Variants in FBXL7 observed in about 807,000 individuals in gnomAD.
FBXL7 encodes the protein F-box/LRR-repeat protein 7.
A neutral mutation model predicts 38.3 loss-of-function variants in FBXL7; 12 were observed. The ratio of observed to expected loss-of-function variants is 0.31; its 90% confidence interval spans 0.20 to 0.51. FBXL7 has a LOEUF of 0.51. FBXL7 is among the 20% of genes least tolerant of loss of function. FBXL7 has a pLI of 0.98. For missense variants in FBXL7, 567 were observed against 676.4 expected (o/e 0.84, Z 1.79); for synonymous variants, 297 against 300.9 (o/e 0.99, Z 0.13).
chr5:15,683,184 ACTTGT>A (rs1742905715), intron 2 of FBXL7, among the ~76,000 whole-genome samples: 1 of 152,114 alleles, frequency 6.6e-6, no homozygotes, highest in African/African-American at 2.4e-5. Context: ...GAGACCTAAA[ACTTGT>A]CTTGTGTGTT....
At chr5:15,581,812 T>C (rs2126468322) in intron 1 of FBXL7, among the ~76,000 whole-genome samples, 1 of 152,146 alleles carries the variant, frequency 6.6e-6, no homozygotes, top group East Asian at 1.9e-4. Flanking sequence ...GTGGGGAATA[T>C]GGATGAGAGG....
At chr5:15,501,323 C>A in intron 1 of FBXL7, 1 of 638,478 alleles carries the variant, frequency 1.6e-6, no homozygotes, top group Non-Finnish European at 1.9e-6. Context: ...AGAAATATTG[C>A]CTGTCAAGTG....
chr5:15,765,151 TC>T (rs1736552354), intron 2 of FBXL7, among the ~76,000 whole-genome samples: 4 of 152,114 alleles, frequency 2.6e-5, no homozygotes, highest in Admixed American at 2.6e-4. Context: ...TAAAAACCCT[TC>T]TTGGTGCACA....
intron 2 of FBXL7, among the ~76,000 whole-genome samples, chr5:15,882,814 A>G (rs1384702068): frequency 6.6e-6 from 1 of 152,222 alleles, no homozygotes; most frequent in African/African-American, 2.4e-5. Flanking sequence ...CAGCAATCAT[A>G]TGAGTGTGGG....
intron 1 of FBXL7, among the ~76,000 whole-genome samples, chr5:15,510,162 T>C (rs1736756657): frequency 6.6e-6 from 1 of 152,246 alleles, no homozygotes; most frequent in Non-Finnish European, 1.5e-5. Flanking sequence ...GAACTCATAA[T>C]TGTAACTGTA....
At chr5:15,501,696 T>TA in intron 1 of FBXL7, 1 of 985,488 alleles carries the variant, frequency 1.0e-6, no homozygotes, top group South Asian at 4.7e-5. Context: ...ATCATCCTGT[T>TA]CGAAACTTTG....
At chr5:15,637,155 G>A (rs745592575) in intron 2 of FBXL7, among the ~76,000 whole-genome samples, 14 of 152,110 alleles carry the variant, frequency 9.2e-5, no homozygotes, top group Non-Finnish European at 1.9e-4. Context: ...AATAATGATA[G>A]CAAAGACTTT....
intron 2 of FBXL7, among the ~76,000 whole-genome samples, chr5:15,660,437 A>G (rs1742025003): frequency 6.6e-6 from 1 of 152,194 alleles, no homozygotes; most frequent in Admixed American, 6.5e-5. Flanking sequence ...GCTCACTGCA[A>G]CCTTCACCTC....
chr5:15,873,700 C>T (rs747253840), intron 2 of FBXL7, among the ~76,000 whole-genome samples: 1 of 152,110 alleles, frequency 6.6e-6, no homozygotes, highest in Admixed American at 6.6e-5. Flanking sequence ...CATACGCCCT[C>T]CCAAGACTAA....
At chr5:15,583,663 G>A (rs1406534565) in intron 1 of FBXL7, among the ~76,000 whole-genome samples, 1 of 152,180 alleles carries the variant, frequency 6.6e-6, no homozygotes, top group African/African-American at 2.4e-5. Flanking sequence ...TATGCAAGGG[G>A]TGGGCTCCCA....
intron 2 of FBXL7, among the ~76,000 whole-genome samples, chr5:15,813,448 T>G (rs1328298810): frequency 6.6e-6 from 1 of 152,078 alleles, no homozygotes; most frequent in Non-Finnish European, 1.5e-5. Context: ...AAGACTTACA[T>G]GTAAGACCTA....
chr5:15,657,411 A>G (rs1435263245), intron 2 of FBXL7, among the ~76,000 whole-genome samples: 6 of 152,386 alleles, frequency 3.9e-5, no homozygotes, highest in Non-Finnish European at 5.9e-5. Flanking sequence ...CAGTAAACAA[A>G]TAATTCTATA....
rs200620157 is a variant in FBXL7 at position 15,693,973 on chromosome 5, GC to G, written c.127+77904del. On this transcript the variant is annotated intron_variant, in intron 2 of 3. Transcript: ENST00000504595. ...AGGGCAAGAACCCAGGATACTGAAA[GC>G]CCTCTGTCGTTACAATAAGGCAGAG... Among the ~76,000 whole-genome samples, 152 of 152,320 alleles carry G rather than the reference GC, an allele frequency of 1.0e-3. 2 individuals are homozygous for G. The East Asian group carries it at 0.028, about 28-fold the overall frequency.
At chr5:15,600,994 T>C (rs1348822763) in intron 1 of FBXL7, among the ~76,000 whole-genome samples, 1 of 152,232 alleles carries the variant, frequency 6.6e-6, no homozygotes, top group Non-Finnish European at 1.5e-5. Flanking sequence ...TTTTCTCCAC[T>C]GTTTCCCTGC....
At chr5:15,569,305 C>T (rs1312059613) in intron 1 of FBXL7, among the ~76,000 whole-genome samples, 1 of 151,000 alleles carries the variant, frequency 6.6e-6, no homozygotes, top group African/African-American at 2.4e-5. Context: ...AGGTCCTTCA[C>T]ATCCCTTGTA....
At chr5:15,897,757 G>T (rs917592334) in intron 2 of FBXL7, among the ~76,000 whole-genome samples, 1 of 151,196 alleles carries the variant, frequency 6.6e-6, no homozygotes, top group South Asian at 2.1e-4. Context: ...AGCCAGGCCT[G>T]CCTTATGTGG....
At chr5:15,716,026 C>T (rs148670025) in intron 2 of FBXL7, among the ~76,000 whole-genome samples, 73 of 152,330 alleles carry the variant, frequency 4.8e-4, no homozygotes, top group Admixed American at 7.8e-4. Context: ...GAAAACCCTA[C>T]TGTATTTTCA....
At position 15,885,224 on chromosome 5, in the gene FBXL7, G is replaced by C. The variant is rs367581693; in HGVS notation, c.128-42666G>C. 3.9e-5 allele frequency among the ~76,000 whole-genome samples: 6 copies of C among 152,328 alleles called. No homozygotes were observed. The East Asian group carries it at 1.2e-3, about 29-fold the overall frequency. Reference sequence around the variant, plus strand: ...AGTTTCTCAAGAGCTGTTGCTCAGAGGCCTTCCCTGGTTTTTCACCATGTA... The same window carrying C: ...AGTTTCTCAAGAGCTGTTGCTCAGACGCCTTCCCTGGTTTTTCACCATGTA... On this transcript the variant is annotated intron_variant, in intron 2 of 3. Coordinates refer to ENST00000504595, the MANE Select transcript of FBXL7 (RefSeq NM_012304.5).
At chr5:15,513,875 CTT>C (rs972936952) in intron 1 of FBXL7, among the ~76,000 whole-genome samples, 1 of 152,154 alleles carries the variant, frequency 6.6e-6, no homozygotes, top group Non-Finnish European at 1.5e-5. Context: ...TTTGCATCCA[CTT>C]TGCTTATTTA....
Sources: allele counts gnomAD v4.1 joint callset (sites outside exome capture counted in the v4.1 genomes callset), GRCh38; gene constraint gnomAD v4.1.1; transcripts MANE v1.5; gene names NCBI Gene and HGNC (gene_info 2026-07-23, HGNC 2026-07-21).